GPHN: variants seen among roughly 807,000 people sequenced by gnomAD.
The protein encoded by GPHN is gephyrin.
In GPHN, 17 loss-of-function variants were observed where a neutral mutation model predicts 95.5. That is an observed-to-expected ratio of 0.18 (90% confidence interval 0.12 to 0.27). The LOEUF is 0.27. Among genes scored for constraint, GPHN ranks in the 10% least tolerant of loss-of-function variants. The pLI is 1.00. For missense variants in GPHN, 660 were observed against 978.1 expected, an observed-to-expected ratio of 0.67 and a Z score of 4.34; for synonymous variants, 320 against 322.5, an observed-to-expected ratio of 0.99 and a Z score of 0.08.
chr14:67,388,348 A>G, the GPHN span: 3 of 1,196,972 alleles, frequency 2.5e-6, no homozygotes, highest in East Asian at 7.0e-5. Flanking sequence ...AATGAACAAA[A>G]GGGAAGAGTT....
At chr14:67,314,008 T>A in the GPHN span, among the ~76,000 whole-genome samples, 1 of 152,230 alleles carries the variant, frequency 6.6e-6, no homozygotes, top group South Asian at 2.1e-4. Context: ...CCAGAACTGC[T>A]GTTTCTGAAT....
chr14:67,125,418 G>A (rs993269187), intron 17 of GPHN, among the ~76,000 whole-genome samples: 1 of 152,162 alleles, frequency 6.6e-6, no homozygotes, highest in Non-Finnish European at 1.5e-5. Flanking sequence ...GCTCTCCAGG[G>A]AAACAAGCAG....
intron 1 of GPHN, among the ~76,000 whole-genome samples, chr14:66,612,550 C>T (rs1383565335): frequency 1.3e-5 from 2 of 152,052 alleles, no homozygotes; most frequent in Non-Finnish European, 2.9e-5. Context: ...CCACTTCTCA[C>T]CATCCACTCA....
chr14:66,796,749 A>G (rs2060170898), intron 3 of GPHN, among the ~76,000 whole-genome samples: 2 of 152,076 alleles, frequency 1.3e-5, no homozygotes, highest in East Asian at 1.9e-4. Context: ...GTAGCTTGCA[A>G]ATATTTTCTC....
the GPHN span, among the ~76,000 whole-genome samples, chr14:67,672,769 T>TC: frequency 6.6e-6 from 1 of 152,144 alleles, no homozygotes; most frequent in Non-Finnish European, 1.5e-5. Context: ...ATCACATAAA[T>TC]CAGATCCCAC....
the GPHN span, among the ~76,000 whole-genome samples, chr14:67,718,036 T>C: frequency 6.6e-6 from 1 of 152,218 alleles, no homozygotes; most frequent in Admixed American, 6.5e-5. Flanking sequence ...ATTTTAGCTT[T>C]TAAAATCAAG....
At chr14:67,374,409 G>T in the GPHN span, 1 of 1,055,166 alleles carries the variant, frequency 9.5e-7, no homozygotes, top group African/African-American at 1.6e-5. Flanking sequence ...TTCAAAGCTG[G>T]TTACAATAGT....
chr14:67,643,870 A>C, the GPHN span, among the ~76,000 whole-genome samples: 1 of 148,464 alleles, frequency 6.7e-6, no homozygotes, highest in East Asian at 2.0e-4. Flanking sequence ...AAAAAAAAAA[A>C]AAAAAAAAAA....
At position 66,665,986 on chromosome 14, in the gene GPHN, T is replaced by A. The variant is rs576286513; in HGVS notation, c.65-15121T>A. 9.5e-4 allele frequency among the ~76,000 whole-genome samples: 143 copies of A among 150,300 alleles called. 1 individual carries two copies. The highest frequency in any genetic ancestry group is 1.8e-3 in the Non-Finnish European group (123 of 67,916). On this transcript the variant is annotated intron_variant, in intron 1 of 22. Coordinates refer to ENST00000478722, the MANE Select transcript of GPHN (RefSeq NM_020806.5). ...TGAAGCTGGAAACCATCATTCTCAG[T>A]AAACTATCGCAAGGACAAAAAACCA...
At chr14:66,512,428 G>A (rs929713356) in intron 1 of GPHN, among the ~76,000 whole-genome samples, 6 of 151,770 alleles carry the variant, frequency 4.0e-5, no homozygotes, top group African/African-American at 1.4e-4. Flanking sequence ...GTTCGCTACA[G>A]CTAATGTTTG....
chr14:67,102,808 T>C (rs2077789559), intron 13 of GPHN, among the ~76,000 whole-genome samples: 1 of 152,182 alleles, frequency 6.6e-6, no homozygotes, highest in African/African-American at 2.4e-5. Flanking sequence ...AGTTGAGATA[T>C]ATAGGAGAAG....
At chr14:66,801,739 A>G (rs114430241) in intron 3 of GPHN, among the ~76,000 whole-genome samples, 1,515 of 146,800 alleles carry the variant, frequency 0.01, 18 homozygotes, top group African/African-American at 0.037. Flanking sequence ...AGCCAGCACA[A>G]TATTGGGTCT....
chr14:67,717,104 A>G, the GPHN span, among the ~76,000 whole-genome samples: 2 of 152,244 alleles, frequency 1.3e-5, no homozygotes, highest in South Asian at 4.2e-4. Flanking sequence ...ATGTATATAT[A>G]TCATTCATTA....
chr14:67,262,967 A>C, the GPHN span, among the ~76,000 whole-genome samples: 44 of 152,180 alleles, frequency 2.9e-4, no homozygotes, highest in African/African-American at 9.9e-4. Context: ...TTTAAAAAAA[A>C]CTTTGCTAGC....
At chr14:67,039,466 CTG>C (rs1422896217) in intron 10 of GPHN, among the ~76,000 whole-genome samples, 6 of 152,124 alleles carry the variant, frequency 3.9e-5, no homozygotes, top group African/African-American at 1.4e-4. Flanking sequence ...CCTTGAAAGA[CTG>C]TGTAAGATAG....
chr14:66,544,741 C>T lies in GPHN; in HGVS notation c.64+36150C>T, dbSNP rs180910374. ...CTAGGCGGAGGACCCTGTGGCCTTC[C>T]GCAGTGTTTGTGTCCCTGGGTACTT... On this transcript the variant is annotated intron_variant, in intron 1 of 22. Transcript: ENST00000478722. Among the ~76,000 whole-genome samples the T allele has an allele frequency of 2.4e-4, 37 of 152,100 alleles. No homozygotes were observed. In the East Asian group the frequency reaches 5.4e-3, roughly 22 times the overall value.
At chr14:67,439,132 A>G in the GPHN span, among the ~76,000 whole-genome samples, 2 of 152,128 alleles carry the variant, frequency 1.3e-5, no homozygotes, top group Non-Finnish European at 2.9e-5. Flanking sequence ...CACACTGGAT[A>G]TTGTTTTGTG....
the GPHN span, among the ~76,000 whole-genome samples, chr14:67,427,729 CATACTT>C: frequency 1.2e-3 from 182 of 152,258 alleles, no homozygotes; most frequent in African/African-American, 3.9e-3. Flanking sequence ...CGGGGACACT[CATACTT>C]AGGAGATTTG....
In GPHN at chr14:66,734,324, C is replaced by A. The variant is rs74542578; in HGVS notation, c.144-42140C>A. ...TTATTTATTTATTTTTCTCCTCACT[C>A]TCTTCCTACAAGCTATGCTGGCTGC... On this transcript the variant is annotated intron_variant, in intron 2 of 22. Transcript: ENST00000478722. Among the ~76,000 whole-genome samples the A allele has an allele frequency of 7.4e-4, 113 of 152,276 alleles. 1 individual carries two copies. In the East Asian group the frequency reaches 0.021, roughly 28 times the overall value.
Sources: gnomAD v4.1 joint callset for allele counts (sites outside exome capture counted in the v4.1 genomes callset) on GRCh38, gnomAD v4.1.1 for gene constraint, MANE v1.5 for transcripts, NCBI Gene and HGNC (gene_info 2026-07-23, HGNC 2026-07-21) for gene names.